Variants in UACA observed in about 807,000 individuals in gnomAD.
The protein encoded by UACA is uveal autoantigen with coiled-coil domains and ankyrin repeats, also known as nuclear membrane binding protein.
In UACA, 112 loss-of-function variants were observed where a neutral mutation model predicts 160.5. The observed-to-expected ratio is 0.70, with a 90% CI of 0.60 to 0.82. The LOEUF is 0.82. Among genes scored for constraint, UACA ranks in the 40% least tolerant of loss-of-function variants. The pLI is 0.00. For missense variants in UACA, 1,574 were observed against 1,614.6 expected, an observed-to-expected ratio of 0.97 and a Z score of 0.43; for synonymous variants, 557 against 568.4, an observed-to-expected ratio of 0.98 and a Z score of 0.29.
intron 1 of UACA, chr15:70,703,043 G>T: frequency 1.6e-6 from 2 of 1,236,194 alleles, no homozygotes; most frequent in South Asian, 1.3e-5. Flanking sequence ...ATTAGACAAC[G>T]AGCTAGACTA....
At position 70,763,314 on chromosome 15, in the gene UACA, G is replaced by C; in HGVS notation, c.78+16C>G. ...CCCGGAGCGGAGCGCCTCGCAGCCC[G>C]GACCGCGGGACTCACCGCGCTGGCG... On this transcript the variant is annotated intron_variant, in intron 1 of 18. Coordinates refer to ENST00000322954, the MANE Select transcript of UACA (RefSeq NM_018003.4). 7 of 1,324,650 alleles carry C rather than the reference G, an allele frequency of 5.3e-6. 1 individual carries two copies. Among genetic ancestry groups the C allele is most frequent in the South Asian group, 4.1e-5 (2 of 48,864 alleles). 82.1% of individuals were successfully genotyped at this position (1,324,650 alleles called of 1,614,324 possible).
At position 70,668,009 on chromosome 15, in the gene UACA, T is replaced by G; in HGVS notation, c.2675A>C (p.Asp892Ala). The part of the protein sequence containing the change: ...ELLDVKKKFE[D>A]INQEFVKIKD... ...TATTTTTACAAATTCCTGATTTATA[T>G]CTTCAAATTTTTTCTTCACATCTAA... The change falls in exon 16 of 19, where the codon GAT becomes GCT. Residue 892 changes from aspartate to alanine, a missense_variant. Transcript: ENST00000322954. The G allele has an allele frequency of 3.7e-6, 6 of 1,603,440 alleles. No homozygotes were observed. The highest frequency in any genetic ancestry group is 5.1e-6 in the Non-Finnish European group (6 of 1,175,648).
chr15:70,657,413 C>A (rs1400333294), intron 18 of UACA, among the ~76,000 whole-genome samples: 2 of 151,916 alleles, frequency 1.3e-5, no homozygotes, highest in Non-Finnish European at 2.9e-5. Context: ...GAGTTCGAGA[C>A]CAGCCTGGCC....
rs1487849376 is a variant in UACA, at chr15:70,668,703, G to C, written c.1981C>G (p.Leu661Val). The change falls in exon 16 of 19, where the codon CTT becomes GTT. Residue 661 changes from leucine (L) to valine (V), a missense_variant. Transcript: ENST00000322954. ...VEMEREHEKSLSEIRQLKREL... is the reference protein window; with the variant it reads ...VEMEREHEKSVSEIRQLKREL... ...CTCTTTAACTGTCTAATTTCACTAAGTGATTTTTCATGTTCTCTTTCCATT... is the reference window on the plus strand; with the variant it reads ...CTCTTTAACTGTCTAATTTCACTAACTGATTTTTCATGTTCTCTTTCCATT... The C allele has an allele frequency of 1.2e-6, 2 of 1,613,880 alleles. No homozygotes were observed. Among genetic ancestry groups the C allele is most frequent in the Non-Finnish European group, 8.5e-7 (1 of 1,179,992 alleles).
rs774984644 is a variant in UACA at position 70,664,785 on chromosome 15, T to C, written c.3990A>G (p.Arg1330=). Residue 1330 remains arginine (R), a synonymous_variant, in exon 17 of 19, where the codon AGA becomes AGG. Coordinates refer to ENST00000322954, the MANE Select transcript of UACA (RefSeq NM_018003.4). ...KITELLNDVE[R]LKQALNGLSQ... ...AAAGGCCATTGAGTGCCTGTTTTAA[T>C]CTTTCCACATCATTAAGCAGTTCAG... 6.2e-7 allele frequency: 1 copy of C among 1,613,386 alleles called. No homozygotes were observed. Among genetic ancestry groups the C allele is most frequent in the Non-Finnish European group, 8.5e-7 (1 of 1,179,748 alleles).
chr15:70,674,685 C>G (rs769452451), intron 13 of UACA, among the ~76,000 whole-genome samples: 3 of 152,110 alleles, frequency 2.0e-5, no homozygotes, highest in Non-Finnish European at 4.4e-5. Flanking sequence ...GCAACCTCCA[C>G]CTCCCAGATT....
chr15:70,724,808 G>GA (rs200968122), intron 1 of UACA, among the ~76,000 whole-genome samples: 7 of 133,450 alleles, frequency 5.2e-5, no homozygotes, highest in Admixed American at 1.6e-4. Flanking sequence ...CACCAAGCCA[G>GA]AAAAAAAAAG....
intron 1 of UACA, among the ~76,000 whole-genome samples, chr15:70,728,290 G>A (rs1315655656): frequency 2.0e-5 from 3 of 152,124 alleles, no homozygotes; most frequent in Non-Finnish European, 4.4e-5. Context: ...GAGGCCAGGC[G>A]CAGCGGCTCA....
At chr15:70,752,237 CAAAAA>C (rs35156370) in intron 1 of UACA, among the ~76,000 whole-genome samples, 22 of 105,926 alleles carry the variant, frequency 2.1e-4, no homozygotes, top group Admixed American at 3.1e-4. Context: ...AAAACTCCAT[CAAAAA>C]AAAAAAAAAA....
intron 1 of UACA, among the ~76,000 whole-genome samples, chr15:70,742,488 T>C (rs559406849): frequency 6.6e-6 from 1 of 152,292 alleles, no homozygotes; most frequent in South Asian, 2.1e-4. Context: ...ACAGCAAGAG[T>C]CTTTTAGGTA....
intron 10 of UACA, among the ~76,000 whole-genome samples, chr15:70,679,141 G>A (rs911298984): frequency 1.3e-5 from 2 of 151,814 alleles, no homozygotes; most frequent in South Asian, 2.1e-4. Context: ...GGTGGCTCAC[G>A]CTTGTAATCC....
chr15:70,668,136 T>TA lies in UACA; in HGVS notation c.2547dup (p.Asn850Ter). ...TGATTACTCATCATCTTCTTCAAGTTAGTGTTTTCAGATGTGAGAGCGTGT... is the reference window on the plus strand; with the variant it reads ...TGATTACTCATCATCTTCTTCAAGTTAAGTGTTTTCAGATGTGAGAGCGTGT... On this transcript the variant is annotated frameshift_variant, in exon 16 of 19. Transcript: ENST00000322954. LOFTEE classifies it high-confidence loss of function. 1 of 1,613,692 alleles carries TA rather than the reference T, an allele frequency of 6.2e-7. No individual in the cohort carries two copies. Among genetic ancestry groups the TA allele is most frequent in the Non-Finnish European group, 8.5e-7 (1 of 1,179,898 alleles).
At position 70,656,387 on chromosome 15, in the gene UACA, G is replaced by A. The variant is rs934515852; in HGVS notation, c.*669C>T. The A allele has an allele frequency of 6.6e-6, 1 of 151,972 alleles. No individual in the cohort carries two copies. The highest frequency in any genetic ancestry group is 1.5e-5 in the Non-Finnish European group (1 of 67,990). 9.4% of individuals were successfully genotyped at this position (151,972 alleles called of 1,614,324 possible). On this transcript the variant is annotated 3_prime_UTR_variant, in exon 19 of 19. Transcript: ENST00000322954. ...TTAAGATACTGTTGTAGAGATTAAGGCAATTTTATTATAAATTCCTGATAT... is the reference window on the plus strand; with the variant it reads ...TTAAGATACTGTTGTAGAGATTAAGACAATTTTATTATAAATTCCTGATAT...
Position 70,676,582 on chromosome 15 carries a change from G to A in UACA, c.1042C>T (p.Leu348=). 1.2e-6 allele frequency: 2 copies of A among 1,611,916 alleles called. No homozygotes were observed. Among genetic ancestry groups the A allele is most frequent in the Non-Finnish European group, 1.7e-6 (2 of 1,179,160 alleles). ...TCTTTAGCTGCCAAAAGGGACTTCA[G>A]CTTTTCTCTCTGAAATGAAACAGAA... ...ADDLESEREK[L]KSLLAAKEKQ... is the part of the protein sequence containing the mutation. Residue 348 remains leucine (L), a synonymous_variant, in exon 13 of 19, where the codon CTG becomes TTG. Transcript: ENST00000322954.
At chr15:70,696,028 G>C (rs1898114585) in intron 2 of UACA, among the ~76,000 whole-genome samples, 1 of 152,128 alleles carries the variant, frequency 6.6e-6, no homozygotes, top group Non-Finnish European at 1.5e-5. Context: ...AACTCAAGTA[G>C]AAATAGAACT....
At chr15:70,756,997 T>A (rs938066697) in intron 1 of UACA, among the ~76,000 whole-genome samples, 1 of 152,242 alleles carries the variant, frequency 6.6e-6, no homozygotes, top group Non-Finnish European at 1.5e-5. Context: ...ATTTCCTCGA[T>A]TGTTTCATAA....
At chr15:70,687,944 C>T (rs1426714457) in intron 5 of UACA, 124 bp from the exon 6 acceptor site, 1 of 851,160 alleles carries the variant, frequency 1.2e-6, no homozygotes, top group Admixed American at 2.6e-5. Context: ...ACGTCCTTCA[C>T]TCTTAGTTTA....
chr15:70,679,195 GAGTTCAAGACC>G (rs901178393), intron 10 of UACA, among the ~76,000 whole-genome samples: 4 of 151,924 alleles, frequency 2.6e-5, no homozygotes, highest in African/African-American at 9.7e-5. Flanking sequence ...CTGAGGTCAG[GAGTTCAAGACC>G]AGCCTGGCCA....
rs1433219998 is a variant in UACA, at chr15:70,667,124, A to C, written c.3560T>G (p.Leu1187Trp). The change falls in exon 16 of 19, where the codon TTG becomes TGG. Residue 1187 changes from leucine (L) to tryptophan (W), a missense_variant. Leu to Trp is a moderately conservative substitution (Grantham distance 61, BLOSUM62 -2). Coordinates refer to ENST00000322954, the MANE Select transcript of UACA (RefSeq NM_018003.4). ...EKEVGIIKAS[L>W]REKEEESQNK... ...TTGGCTTTCTTCTTCCTTTTCTCTC[A>C]AGCTGGCTTTTATGATTCCAACTTC... 4 of 1,613,180 alleles carry C rather than the reference A, an allele frequency of 2.5e-6. No homozygotes were observed. In the African/African-American group the frequency reaches 4.0e-5, roughly 16 times the overall value.
Sources: allele counts gnomAD v4.1 joint callset (sites outside exome capture counted in the v4.1 genomes callset), GRCh38; gene constraint gnomAD v4.1.1; transcripts MANE v1.5; gene names NCBI Gene and HGNC (gene_info 2026-07-23, HGNC 2026-07-21).